The following VAV2 variants were observed in gnomAD, a reference collection of about 807,000 sequenced individuals.
VAV2 encodes the protein vav guanine nucleotide exchange factor 2, also known as guanine nucleotide exchange factor VAV2.
VAV2 carries 67 observed loss-of-function variants against 132.5 expected under a neutral mutation model. That is an observed-to-expected ratio of 0.51 (90% confidence interval 0.42 to 0.62). The LOEUF (loss-of-function observed/expected upper bound fraction) is 0.62, where lower values mean the gene tolerates loss of function less well. Among genes scored for constraint, VAV2 ranks in the 20% least tolerant of loss-of-function variants. The pLI, the probability that VAV2 is intolerant of heterozygous loss-of-function variation, is 0.00. For missense variants in VAV2, 938 were observed against 1,153.6 expected (o/e 0.81, Z 2.71); for synonymous variants, 492 against 443.5 (o/e 1.11, Z -1.37).
intron 1 of VAV2, among the ~76,000 whole-genome samples, chr9:133,970,359 G>T (rs1842289022): frequency 6.6e-6 from 1 of 152,202 alleles, no homozygotes; most frequent in Admixed American, 6.5e-5. Flanking sequence ...GCGGAGGCTG[G>T]GGGATGGCAC....
rs1226933135 is a variant in VAV2 at position 133,804,646 on chromosome 9, G to A, written c.836+1435C>T. 3.9e-5 allele frequency among the ~76,000 whole-genome samples: 6 copies of A among 152,196 alleles called. No homozygotes were observed. The highest frequency in any genetic ancestry group is 5.9e-5 in the Non-Finnish European group (4 of 68,020). The stretch of plus-strand genomic sequence containing the variant: ...TCCGTGGCTCCCTCCCTTCCTGGCC[G>A]AGGGACAGCATGAACAAGGCGCTGA... On this transcript the variant is annotated intron_variant, in intron 9 of 29. Coordinates refer to ENST00000371850, the MANE Select transcript of VAV2 (RefSeq NM_001134398.2). This position sits in a 1 kb window ranked among gnomAD's most constrained non-coding sequence, Gnocchi z 4.5.
intron 25 of VAV2, among the ~76,000 whole-genome samples, chr9:133,772,307 A>G (rs961090432): frequency 5.9e-5 from 9 of 152,108 alleles, no homozygotes; most frequent in African/African-American, 2.2e-4. Flanking sequence ...CCTGGCCTCT[A>G]GCCCTGCTGA....
intron 2 of VAV2, among the ~76,000 whole-genome samples, chr9:133,896,518 G>A (rs1457592921): frequency 2.0e-5 from 3 of 152,172 alleles, no homozygotes; most frequent in African/African-American, 4.8e-5. Flanking sequence ...AGGTCGAAAC[G>A]TGGGGACGAC....
intron 3 of VAV2, among the ~76,000 whole-genome samples, chr9:133,854,017 C>T (rs148945898): frequency 6.1e-4 from 93 of 152,274 alleles, no homozygotes; most frequent in East Asian, 1.2e-3. Context: ...TATACACACA[C>T]GTGTGCACAC....
At chr9:133,902,659 G>T (rs1839489930) in intron 2 of VAV2, among the ~76,000 whole-genome samples, 1 of 152,236 alleles carries the variant, frequency 6.6e-6, no homozygotes, top group African/African-American at 2.4e-5. Context: ...ATACATAGGG[G>T]TGCTAATCCC....
intron 2 of VAV2, among the ~76,000 whole-genome samples, chr9:133,931,997 T>C (rs35161402): frequency 0.065 from 9,835 of 152,232 alleles, 377 homozygotes; most frequent in African/African-American, 0.11. Flanking sequence ...CGCAGACCTG[T>C]GCTCAGTCCC....
In VAV2 at chr9:133,798,048, G is replaced by A. The variant is rs182596099; in HGVS notation, c.837-239C>T. Among the ~76,000 whole-genome samples the A allele has an allele frequency of 4.6e-3, 702 of 152,260 alleles. 20 individuals are homozygous for A. The highest frequency in any genetic ancestry group is 0.043 in the Admixed American group (652 of 15,298). ...GAGAGGGGGTGCCCCTGCTCTTCCT[G>A]AGTCCCAGGTGGTTCTAGGTCAGGT... On this transcript the variant is annotated intron_variant, in intron 9 of 29. Coordinates refer to ENST00000371850, the MANE Select transcript of VAV2 (RefSeq NM_001134398.2).
chr9:133,771,137 C>T (rs928027075), intron 26 of VAV2, among the ~76,000 whole-genome samples: 1 of 147,524 alleles, frequency 6.8e-6, no homozygotes, highest in East Asian at 2.0e-4. Flanking sequence ...AATCTCGGCT[C>T]ACTGCAATCT....
At chr9:133,776,699 G>T (rs180818319) in intron 23 of VAV2, among the ~76,000 whole-genome samples, 1 of 152,184 alleles carries the variant, frequency 6.6e-6, no homozygotes, top group Admixed American at 6.5e-5. Flanking sequence ...CCTTGGTCAC[G>T]CAAAGTGCCC....
At chr9:133,911,287 T>G (rs1839876540) in intron 2 of VAV2, among the ~76,000 whole-genome samples, 1 of 152,168 alleles carries the variant, frequency 6.6e-6, no homozygotes, top group Non-Finnish European at 1.5e-5. Context: ...CGGGAGAACT[T>G]TCTGTGAAGA....
intron 2 of VAV2, among the ~76,000 whole-genome samples, chr9:133,862,607 C>T (rs1588282851): frequency 1.3e-5 from 2 of 152,178 alleles, no homozygotes; most frequent in African/African-American, 2.4e-5. Context: ...TGGGGGTGGG[C>T]AACAAGAAAA....
chr9:133,954,264 C>T (rs889853576), intron 1 of VAV2, among the ~76,000 whole-genome samples: 6 of 152,160 alleles, frequency 3.9e-5, no homozygotes, highest in Non-Finnish European at 8.8e-5. Context: ...GTCCATCTGC[C>T]CATCTGTCCA....
rs536402266 is a variant in VAV2 at position 133,931,068 on chromosome 9, C to T, written c.321+8035G>A. On this transcript the variant is annotated intron_variant, in intron 2 of 29. Transcript: ENST00000371850. ...CCCCGAGTGAGGCTGGAGTGAAGTG[C>T]ACTGCCCAGCCAGCACCGCGGGTTC... 1.8e-3 allele frequency among the ~76,000 whole-genome samples: 270 copies of T among 152,352 alleles called. 1 individual carries two copies. The highest frequency in any genetic ancestry group is 2.3e-3 in the Non-Finnish European group (156 of 68,030).
Position 133,764,079 on chromosome 9 carries a change from C to T in VAV2, c.2620G>A (p.Glu874Lys), listed in dbSNP as rs867276571. The T allele has an allele frequency of 8.7e-6, 14 of 1,613,974 alleles. No homozygotes were observed. In the Middle Eastern group the frequency reaches 9.9e-4, roughly 114 times the overall value. The change falls in exon 30 of 30, where the codon GAG becomes AAG. Residue 874 changes from glutamate to lysine, a missense_variant. By Grantham distance (56) the Glu-to-Lys change is moderately conservative (BLOSUM62 1). Transcript: ENST00000371850. ...IGWFPSTYVE[E>K]EGIQ is the part of the protein sequence containing the mutation. ...TCCTGCCGTCACTGGATGCCCTCCT[C>T]TTCTACGTACGTTGAAGGAAACCAG...
rs1564346607 is a variant in VAV2, at chr9:133,788,161, G to A, written c.1407+193C>T. 6.6e-6 allele frequency among the ~76,000 whole-genome samples: 1 copy of A among 152,208 alleles called. No homozygotes were observed. The highest frequency in any genetic ancestry group is 2.4e-5 in the African/African-American group (1 of 41,448). ...GCCCGGCGAGGAGCAGGCCTGCTAT[G>A]AGCAGTGGTCACGACGGCGAGGCAG... is the stretch of plus-strand genomic sequence containing the variant. On this transcript the variant is annotated intron_variant, in intron 15 of 29. Transcript: ENST00000371850. This position sits in a 1 kb window ranked among gnomAD's most constrained non-coding sequence, Gnocchi z 5.3.
intron 1 of VAV2, among the ~76,000 whole-genome samples, chr9:133,942,547 C>A (rs1841204080): frequency 6.6e-6 from 1 of 152,398 alleles, no homozygotes; most frequent in African/African-American, 2.4e-5. Context: ...CTGCAGCTTC[C>A]AGCCTGGCGT....
chr9:133,807,067 C>T (rs1308874725), intron 8 of VAV2, among the ~76,000 whole-genome samples, 191 bp downstream of exon 8: 1 of 152,250 alleles, frequency 6.6e-6, no homozygotes, highest in Non-Finnish European at 1.5e-5. Flanking sequence ...AGCCCAGAAA[C>T]CTGCTACCCT....
intron 2 of VAV2, among the ~76,000 whole-genome samples, chr9:133,866,127 C>G (rs759189989): frequency 6.6e-6 from 1 of 151,708 alleles, no homozygotes; most frequent in South Asian, 2.1e-4. Flanking sequence ...GGGCCCAAGC[C>G]CTAGGGTGGG....
chr9:133,981,484 G>A (rs1409788242), intron 1 of VAV2, among the ~76,000 whole-genome samples: 1 of 152,232 alleles, frequency 6.6e-6, no homozygotes, highest in African/African-American at 2.4e-5. Context: ...GAGGGCAGGC[G>A]GCGGGTGAGG....
Sources: allele counts gnomAD v4.1 joint callset (sites outside exome capture counted in the v4.1 genomes callset), GRCh38; gene constraint gnomAD v4.1.1; non-coding constraint Gnocchi (gnomAD v3.1); transcripts MANE v1.5; gene names NCBI Gene and HGNC (gene_info 2026-07-23, HGNC 2026-07-21).